The following MXRA7 variants were observed in gnomAD, a reference collection of about 807,000 sequenced individuals.
MXRA7 encodes matrix-remodeling-associated protein 7.
Under a neutral mutation model 17.4 loss-of-function variants are expected in MXRA7, and 18 were observed. That is an observed-to-expected ratio of 1.03 (90% confidence interval 0.71 to 1.53). The LOEUF (loss-of-function observed/expected upper bound fraction) is 1.53, where lower values mean the gene tolerates loss of function less well. Among genes scored for constraint, MXRA7 ranks in the 40% most tolerant of loss-of-function variants. The pLI, the probability that MXRA7 is intolerant of heterozygous loss-of-function variation, is 0.00. For synonymous variants in MXRA7, 70 were observed against 101.7 expected (o/e 0.69, Z 1.87); for missense variants, 141 against 209.3 (o/e 0.67, Z 2.01).
At chr17:76,677,763 G>A, downstream of MXRA7, 1 of 1,234,318 alleles carries the variant, frequency 8.1e-7, no homozygotes, top group Non-Finnish European at 1.2e-6. Context: ...GAGAGAGGGA[G>A]CCTGTGTGCA....
chr17:76,697,316 C>A (rs2076542689), intron 1 of MXRA7, among the ~76,000 whole-genome samples: 1 of 152,122 alleles, frequency 6.6e-6, no homozygotes, highest in African/African-American at 2.4e-5. Context: ...CTTAGGAGGA[C>A]CCGAACCTGC....
chr17:76,707,746 C>G (rs1424993156), intron 1 of MXRA7, among the ~76,000 whole-genome samples: 1 of 152,152 alleles, frequency 6.6e-6, no homozygotes, highest in Non-Finnish European at 1.5e-5. Flanking sequence ...GACCATCCAG[C>G]CTTGCTCCAA....
At chr17:76,677,627 G>A (rs140255823), downstream of MXRA7, 25 of 1,613,258 alleles carry the variant, frequency 1.5e-5, no homozygotes, top group Admixed American at 1.0e-4. Context: ...GCACGTCGCC[G>A]TCGGACATCT....
At chr17:76,673,448 T>G (rs965310033) in exon 4 of MXRA7, 1 of 152,242 alleles carries the variant, frequency 6.6e-6, no homozygotes, top group African/African-American at 2.4e-5. Context: ...CTCGCTGCTG[T>G]TCATCAGCAG....
chr17:76,690,719 G>A (rs142260316), intron 1 of MXRA7, among the ~76,000 whole-genome samples: 23 of 152,176 alleles, frequency 1.5e-4, no homozygotes, highest in African/African-American at 5.5e-4. Flanking sequence ...TATTTTGTTT[G>A]TTTTTTGAGA....
At chr17:76,702,873 G>GTATATATATATATATATATACACACA (rs776480689) in intron 1 of MXRA7, among the ~76,000 whole-genome samples, 1 of 141,894 alleles carries the variant, frequency 7.0e-6, no homozygotes, top group African/African-American at 2.6e-5. Context: ...ATATATATAC[G>GTATATATATATATATATATACACACA]TATATATATA....
chr17:76,680,726 G>A lies in MXRA7; in HGVS notation c.*141C>T, dbSNP rs1024320647. 1.6e-5 allele frequency: 23 copies of A among 1,478,334 alleles called. No homozygotes were observed. The highest frequency in any genetic ancestry group is 2.1e-5 in the Non-Finnish European group (23 of 1,115,784). 91.6% of individuals were successfully genotyped at this position (1,478,334 alleles called of 1,614,324 possible). ...GCCAAGGGACAAGTCCTGATTGAGG[G>A]TCTAGAGCTCAGCAGATTTATGGAG... On this transcript the variant is annotated 3_prime_UTR_variant, in exon 4 of 4. Transcript: ENST00000449428.
downstream of MXRA7, chr17:76,675,965 T>C (rs1297675601): frequency 6.6e-6 from 1 of 152,160 alleles, no homozygotes; most frequent in African/African-American, 2.4e-5. Context: ...AAAAAATATT[T>C]CTAAGAACTT....
chr17:76,691,548 A>G (rs1161450857), intron 1 of MXRA7, among the ~76,000 whole-genome samples: 1 of 152,122 alleles, frequency 6.6e-6, no homozygotes, highest in African/African-American at 2.4e-5. Flanking sequence ...ACTGGGCCCT[A>G]ACCTGTGGGG....
downstream of MXRA7, among the ~76,000 whole-genome samples, chr17:76,679,049 C>CT (rs2076264557): frequency 6.6e-6 from 1 of 152,096 alleles, no homozygotes; most frequent in African/African-American, 2.4e-5. Context: ...AATCCTAGAA[C>CT]TTTAGGAGGC....
At chr17:76,675,783 CAAG>C (rs1174703168), downstream of MXRA7, 11 of 152,078 alleles carry the variant, frequency 7.2e-5, no homozygotes, top group Non-Finnish European at 1.5e-4. Context: ...GAATGGTCAG[CAAG>C]AAACAAAAGG....
chr17:76,695,318 C>T, intron 1 of MXRA7, among the ~76,000 whole-genome samples: 1 of 151,718 alleles, frequency 6.6e-6, no homozygotes, highest in East Asian at 1.9e-4. Context: ...GACAAAGACA[C>T]AAACCCTTCT....
chr17:76,698,727 T>G (rs911050213), intron 1 of MXRA7, among the ~76,000 whole-genome samples: 2 of 143,786 alleles, frequency 1.4e-5, no homozygotes, highest in Non-Finnish European at 3.0e-5. Context: ...TTTTTTTTTT[T>G]TTTTTTTTTT....
chr17:76,676,541 T>C (rs1404846927), downstream of MXRA7: 2 of 152,046 alleles, frequency 1.3e-5, no homozygotes, highest in Non-Finnish European at 2.9e-5. Flanking sequence ...GGCAGGTGGA[T>C]CACCTGAGGT....
chr17:76,677,727 G>A (rs1397424899), downstream of MXRA7: 1 of 1,571,498 alleles, frequency 6.4e-7, no homozygotes, highest in Non-Finnish European at 8.8e-7. Flanking sequence ...GGACAAAGAG[G>A]AAGAAGGTGC....
intron 3 of MXRA7, among the ~76,000 whole-genome samples, chr17:76,682,813 AAAGTGGT>A (rs1318321880): frequency 1.3e-5 from 2 of 152,140 alleles, no homozygotes; most frequent in Non-Finnish European, 2.9e-5. Flanking sequence ...TTCAGGGCAC[AAAGTGGT>A]AACTGCAGCA....
intron 1 of MXRA7, among the ~76,000 whole-genome samples, chr17:76,699,690 C>T (rs1313429613): frequency 6.6e-6 from 1 of 152,156 alleles, no homozygotes; most frequent in Non-Finnish European, 1.5e-5. Flanking sequence ...TGCACCATGG[C>T]CTCAGGAATG....
At chr17:76,686,963 AC>A (rs1054127494) in intron 2 of MXRA7, among the ~76,000 whole-genome samples, 1 of 151,630 alleles carries the variant, frequency 6.6e-6, no homozygotes, top group Non-Finnish European at 1.5e-5. Flanking sequence ...GTGCTGGGGG[AC>A]TGTGCCCTCT....
chr17:76,707,291 C>CCTTTTT (rs2076672847), intron 1 of MXRA7, among the ~76,000 whole-genome samples: 1 of 96,092 alleles, frequency 1.0e-5, no homozygotes, highest in African/African-American at 4.8e-5. Flanking sequence ...AGTCCCTACT[C>CCTTTTT]TTTTTTTTTT....
Sources: gnomAD v4.1 joint callset for allele counts (sites outside exome capture counted in the v4.1 genomes callset) on GRCh38, gnomAD v4.1.1 for gene constraint, MANE v1.5 for transcripts, NCBI Gene and HGNC (gene_info 2026-07-23, HGNC 2026-07-21) for gene names.